PCDH9: variants seen among roughly 807,000 people sequenced by gnomAD.
PCDH9 encodes the protein protocadherin 9, also known as protocadherin-9.
Under a neutral mutation model 70.6 loss-of-function variants are expected in PCDH9, and 24 were observed. The observed-to-expected ratio is 0.34, with a 90% confidence interval of 0.25 to 0.48. PCDH9 has a LOEUF of 0.48. Among genes scored for constraint, PCDH9 ranks in the 20% least tolerant of loss-of-function variants. PCDH9 has a pLI of 0.99. For synonymous variants in PCDH9, 562 were observed against 558.5 expected (o/e 1.01, Z -0.09); for missense variants, 1,281 against 1,503.6 (o/e 0.85, Z 2.45).
At chr13:66,902,653 G>C (rs143605913) in intron 3 of PCDH9, among the ~76,000 whole-genome samples, 2,283 of 151,678 alleles carry the variant, frequency 0.015, 21 homozygotes, top group Non-Finnish European at 0.022. Flanking sequence ...ACGTGAAACA[G>C]TATGTATGTT....
intron 2 of PCDH9, among the ~76,000 whole-genome samples, chr13:66,997,141 G>A (rs2084133438): frequency 6.6e-6 from 1 of 152,174 alleles, no homozygotes; most frequent in Non-Finnish European, 1.5e-5. Flanking sequence ...TTTAGGAAGT[G>A]TGTTCGTTCA....
intron 2 of PCDH9, among the ~76,000 whole-genome samples, chr13:66,972,979 G>A (rs985015592): frequency 2.6e-5 from 4 of 151,916 alleles, no homozygotes; most frequent in African/African-American, 7.2e-5. Context: ...CAGCAAAGTC[G>A]CTTTAGAGAC....
chr13:66,603,225 G>A (rs5014486), intron 4 of PCDH9, among the ~76,000 whole-genome samples: 9,891 of 116,408 alleles, frequency 0.085, 1,461 homozygotes, highest in South Asian at 0.16. Context: ...CTGACTATGC[G>A]TACACATTAA....
At chr13:66,428,928 C>G (rs1046707905) in intron 4 of PCDH9, among the ~76,000 whole-genome samples, 4 of 151,702 alleles carry the variant, frequency 2.6e-5, no homozygotes, top group African/African-American at 7.3e-5. Flanking sequence ...AATCAAATAG[C>G]TGCACATTTA....
intron 3 of PCDH9, among the ~76,000 whole-genome samples, chr13:66,856,140 A>G (rs1385256491): frequency 1.3e-5 from 2 of 152,046 alleles, no homozygotes; most frequent in African/African-American, 4.8e-5. Flanking sequence ...TAACTTCAAT[A>G]ACGCATATAA....
rs990753231 is a variant in PCDH9, at chr13:66,603,855, A to T, written c.3340+27355T>A. The stretch of plus-strand genomic sequence containing the variant: ...GAGAAACATTTAATATTAGCAAACA[A>T]ATCATCAGTACTAGAACATAAGATT... On this transcript the variant is annotated intron_variant, in intron 4 of 4. Coordinates refer to ENST00000377865, the MANE Select transcript of PCDH9 (RefSeq NM_203487.3). 2.0e-5 allele frequency among the ~76,000 whole-genome samples: 3 copies of T among 152,124 alleles called. No individual in the cohort carries two copies. In the East Asian group the frequency reaches 5.8e-4, roughly 29 times the overall value.
intron 2 of PCDH9, among the ~76,000 whole-genome samples, chr13:67,084,287 C>G (rs2086048184): frequency 6.6e-6 from 1 of 152,116 alleles, no homozygotes; most frequent in Non-Finnish European, 1.5e-5. Flanking sequence ...AACTCTGACC[C>G]CATTCTTCTT....
At chr13:67,203,314 T>C (rs1197189237) in intron 2 of PCDH9, 1 of 152,150 alleles carries the variant, frequency 6.6e-6, no homozygotes, top group East Asian at 1.9e-4. Context: ...TTATGGTTAA[T>C]AGACTTTGTA....
chr13:66,645,540 T>A (rs2077759683), intron 3 of PCDH9, among the ~76,000 whole-genome samples: 1 of 152,058 alleles, frequency 6.6e-6, no homozygotes, highest in Non-Finnish European at 1.5e-5. Flanking sequence ...CTTATAAAAC[T>A]GATATTTCTA....
At chr13:66,410,135 T>A (rs577065733) in intron 4 of PCDH9, among the ~76,000 whole-genome samples, 57 of 152,170 alleles carry the variant, frequency 3.7e-4, no homozygotes, top group Non-Finnish European at 7.1e-4. Flanking sequence ...TATTTTTATC[T>A]GTTATTGTAA....
rs78097633 is a variant in PCDH9, at chr13:66,412,764, C to T, written c.3341-107736G>A. On this transcript the variant is annotated intron_variant, in intron 4 of 4. Coordinates refer to ENST00000377865, the MANE Select transcript of PCDH9 (RefSeq NM_203487.3). ...TAGTCGCTTGTATTTATTTTAGTTG[C>T]TTTCTTTGGCCCCTTCTCAATTTTT... Among the ~76,000 whole-genome samples the T allele has an allele frequency of 1.5e-3, 228 of 152,186 alleles. 1 individual carries two copies. The highest frequency in any genetic ancestry group is 5.4e-3 in the African/African-American group (223 of 41,534).
chr13:66,667,124 GA>G (rs896989364), intron 3 of PCDH9, among the ~76,000 whole-genome samples: 24 of 151,782 alleles, frequency 1.6e-4, no homozygotes, highest in East Asian at 3.9e-4. Context: ...GAAAGGGAAA[GA>G]AAAAAAATCT....
intron 3 of PCDH9, among the ~76,000 whole-genome samples, chr13:66,799,925 A>T (rs866521669): frequency 6.6e-6 from 1 of 152,014 alleles, no homozygotes; most frequent in Non-Finnish European, 1.5e-5. Context: ...CCATCATACC[A>T]TCTTGGCCCT....
chr13:66,466,467 C>A (rs1958515467), intron 4 of PCDH9, among the ~76,000 whole-genome samples: 1 of 152,040 alleles, frequency 6.6e-6, no homozygotes, highest in African/African-American at 2.4e-5. Flanking sequence ...ATTCCCTCAT[C>A]TTCCAACTAT....
At chr13:67,037,445 GTTATT>G (rs1243813466) in intron 2 of PCDH9, among the ~76,000 whole-genome samples, 3 of 152,120 alleles carry the variant, frequency 2.0e-5, no homozygotes, top group Non-Finnish European at 2.9e-5. Flanking sequence ...CTCCAAAAGT[GTTATT>G]TTAAAGGATT....
chr13:66,367,328 G>A lies in PCDH9; in HGVS notation c.3341-62300C>T, dbSNP rs183922162. Among the ~76,000 whole-genome samples, 10 of 152,180 alleles carry A rather than the reference G, an allele frequency of 6.6e-5. No individual in the cohort carries two copies. The East Asian group carries it at 1.3e-3, about 21-fold the overall frequency. ...TAGAAACATGCTCACAGTGGTAAAC[G>A]TAACAGACACTCTGTTTGCATTAAG... On this transcript the variant is annotated intron_variant, in intron 4 of 4. Coordinates refer to ENST00000377865, the MANE Select transcript of PCDH9 (RefSeq NM_203487.3).
At chr13:66,955,360 A>G (rs557966515) in intron 2 of PCDH9, among the ~76,000 whole-genome samples, 1 of 152,232 alleles carries the variant, frequency 6.6e-6, no homozygotes, top group South Asian at 2.1e-4. Context: ...ATGAAAATAA[A>G]TAAAATGAGC....
At chr13:66,867,819 A>C in intron 3 of PCDH9, among the ~76,000 whole-genome samples, 1 of 151,994 alleles carries the variant, frequency 6.6e-6, no homozygotes, top group East Asian at 1.9e-4. Flanking sequence ...CTTTTTGAAA[A>C]AAATCCTTTT....
At chr13:66,527,851 C>G (rs1443215349) in intron 4 of PCDH9, among the ~76,000 whole-genome samples, 1 of 152,068 alleles carries the variant, frequency 6.6e-6, no homozygotes, top group East Asian at 1.9e-4. Context: ...AATCCCGTCT[C>G]TACTAAAAAT....
Sources: gnomAD v4.1 joint callset for allele counts (sites outside exome capture counted in the v4.1 genomes callset) on GRCh38, gnomAD v4.1.1 for gene constraint, MANE v1.5 for transcripts, NCBI Gene and HGNC (gene_info 2026-07-23, HGNC 2026-07-21) for gene names.